LGR6: variants seen among roughly 807,000 people sequenced by gnomAD.
LGR6 encodes leucine-rich repeat-containing G protein-coupled receptor 6.
In LGR6, 45 loss-of-function variants were observed where a neutral mutation model predicts 69.4. The ratio of observed to expected loss-of-function variants is 0.65; its 90% CI spans 0.51 to 0.83. The LOEUF is 0.83. LGR6 is among the 40% of genes least tolerant of loss of function. The pLI is 0.00. For synonymous variants in LGR6, 538 were observed against 555.0 expected (o/e 0.97, Z 0.43); for missense variants, 1,108 against 1,246.7 (o/e 0.89, Z 1.68).
At chr1:202,293,885 A>G (rs958871528) in intron 6 of LGR6, among the ~76,000 whole-genome samples, 19 of 152,096 alleles carry the variant, frequency 1.2e-4, no homozygotes, top group African/African-American at 4.6e-4. Context: ...CTGTTAGGCC[A>G]CTCCTGCAAA....
intron 4 of LGR6, among the ~76,000 whole-genome samples, chr1:202,275,803 A>G (rs10920380): frequency 0.017 from 2,522 of 152,248 alleles, 72 homozygotes; most frequent in African/African-American, 0.057. Flanking sequence ...ATGGTCTTGG[A>G]CTATCATAGA....
At chr1:202,220,153 T>A (rs1387603032) in intron 1 of LGR6, among the ~76,000 whole-genome samples, 1 of 152,126 alleles carries the variant, frequency 6.6e-6, no homozygotes, top group Non-Finnish European at 1.5e-5. Flanking sequence ...GTGCTGGGAT[T>A]ACAGGCATGA....
intron 1 of LGR6, among the ~76,000 whole-genome samples, chr1:202,199,583 C>T (rs1000980610): frequency 4.0e-5 from 6 of 151,390 alleles, no homozygotes; most frequent in Admixed American, 1.3e-4. Context: ...CACTCCACCC[C>T]GCCTTCCCCC....
intron 1 of LGR6, among the ~76,000 whole-genome samples, chr1:202,205,880 C>T (rs1294725262): frequency 6.7e-6 from 1 of 149,346 alleles, no homozygotes; most frequent in African/African-American, 2.5e-5. Context: ...CACACCCGTC[C>T]TTCAAACACA....
chr1:202,317,652 C>T (rs1479948545), intron 17 of LGR6, among the ~76,000 whole-genome samples: 3 of 152,102 alleles, frequency 2.0e-5, no homozygotes, highest in Admixed American at 2.0e-4. Flanking sequence ...GGCCTATATG[C>T]GTTCTATGTT....
At chr1:202,275,034 G>A (rs1665428626) in intron 4 of LGR6, among the ~76,000 whole-genome samples, 1 of 152,360 alleles carries the variant, frequency 6.6e-6, no homozygotes, top group East Asian at 1.9e-4. Flanking sequence ...GATGCTCAGG[G>A]AAAAGACAGA....
At chr1:202,248,638 G>A (rs1001030326) in intron 4 of LGR6, among the ~76,000 whole-genome samples, 1 of 152,184 alleles carries the variant, frequency 6.6e-6, no homozygotes, top group Non-Finnish European at 1.5e-5. Context: ...GTGTTTGGGG[G>A]GATGTGCTGC....
chr1:202,260,923 AT>A (rs1193143401), intron 4 of LGR6, among the ~76,000 whole-genome samples: 2 of 151,944 alleles, frequency 1.3e-5, no homozygotes, highest in African/African-American at 4.8e-5. Flanking sequence ...AGGAGAGCAT[AT>A]TTTTTCTTTA....
intron 4 of LGR6, among the ~76,000 whole-genome samples, chr1:202,275,067 G>C (rs1571943541): frequency 6.6e-6 from 1 of 152,318 alleles, no homozygotes; most frequent in African/African-American, 2.4e-5. Context: ...CCTTCTACAA[G>C]GGGGCTTGTG....
At chr1:202,271,808 C>CAAAAA (rs754922941) in intron 4 of LGR6, among the ~76,000 whole-genome samples, 1 of 88,466 alleles carries the variant, frequency 1.1e-5, no homozygotes, top group African/African-American at 4.9e-5. Context: ...AACTCTGTCT[C>CAAAAA]AAAAAAAAAA....
intron 1 of LGR6, among the ~76,000 whole-genome samples, chr1:202,207,393 G>A (rs903991324): frequency 7.9e-5 from 12 of 152,182 alleles, no homozygotes; most frequent in African/African-American, 2.9e-4. Flanking sequence ...TGGGTTGGAG[G>A]TGCTTCTTGG....
At position 202,223,847 on chromosome 1, in the gene LGR6, T is replaced by G. The variant is rs776748075; in HGVS notation, c.213-1576T>G. ...CAAGTGTCCCAGCCCCACAGGCCTG[T>G]GAAAAGGCACCAGCCCCTCTCCCAC... On this transcript the variant is annotated intron_variant, in intron 1 of 17. Transcript: ENST00000367278. Among the ~76,000 whole-genome samples, 20 of 139,650 alleles carry G rather than the reference T, an allele frequency of 1.4e-4. 1 individual carries two copies. The highest frequency in any genetic ancestry group is 1.1e-4 in the Non-Finnish European group (7 of 63,466). 91.6% of individuals were successfully genotyped at this position (139,650 alleles called of 152,430 possible). A position where few individuals can be genotyped will look rare whatever the true frequency, so the allele number is the denominator to read the frequency against.
intron 4 of LGR6, chr1:202,236,388 C>G (rs2147999207): frequency 4.5e-6 from 1 of 223,974 alleles, no homozygotes; most frequent in East Asian, 1.2e-4. Context: ...CTGCTCTTGC[C>G]CCTGGGCTCT....
intron 1 of LGR6, among the ~76,000 whole-genome samples, chr1:202,221,280 C>T (rs1440143530): frequency 6.6e-6 from 1 of 152,174 alleles, no homozygotes; most frequent in East Asian, 1.9e-4. Context: ...CTTTCAGCTG[C>T]TCTCTGACCC....
chr1:202,280,762 G>C lies in LGR6; in HGVS notation c.645-19G>C. 1 of 1,613,936 alleles carries C rather than the reference G, an allele frequency of 6.2e-7. No individual in the cohort carries two copies. The highest frequency in any genetic ancestry group is 1.1e-5 in the South Asian group (1 of 91,070). On this transcript the variant is annotated intron_variant, in intron 5 of 17. Coordinates refer to ENST00000367278, the MANE Select transcript of LGR6 (RefSeq NM_001017403.2). ...GTGCCGTGGGCACCCATTCTGATGC[G>C]TCTTTCCTTCCCGTGCAGGCATTTG...
At chr1:202,293,200 C>T (rs788820) in intron 6 of LGR6, among the ~76,000 whole-genome samples, 73,513 of 151,964 alleles carry the variant, frequency 0.48, 18,736 homozygotes, top group East Asian at 0.71. Flanking sequence ...GAGACAGCCC[C>T]CTAGAATTAC....
intron 6 of LGR6, 127 bp downstream of exon 6, chr1:202,280,979 GT>G: frequency 1.3e-6 from 1 of 755,186 alleles, no homozygotes; most frequent in Non-Finnish European, 2.2e-6. Context: ...CCCCGGGCTT[GT>G]TTACCCACAT....
chr1:202,206,985 T>C (rs1038400439), intron 1 of LGR6, among the ~76,000 whole-genome samples: 1 of 152,074 alleles, frequency 6.6e-6, no homozygotes, highest in African/African-American at 2.4e-5. Context: ...TGGCGCTATC[T>C]TGGCTCACTG....
At chr1:202,239,397 G>A (rs1380343519) in intron 4 of LGR6, among the ~76,000 whole-genome samples, 2 of 151,254 alleles carry the variant, frequency 1.3e-5, no homozygotes, top group African/African-American at 2.4e-5. Context: ...TGTGTTGGGG[G>A]ACTGGTGGGA....
Sources: allele counts gnomAD v4.1 joint callset (sites outside exome capture counted in the v4.1 genomes callset), GRCh38; gene constraint gnomAD v4.1.1; transcripts MANE v1.5; gene names NCBI Gene and HGNC (gene_info 2026-07-23, HGNC 2026-07-21).